The following RGS6 variants were observed in gnomAD, a reference collection of about 807,000 sequenced individuals.
RGS6 encodes the protein regulator of G protein signaling 6.
A neutral mutation model predicts 78.5 loss-of-function variants in RGS6; 30 were observed. The observed-to-expected ratio is 0.38, with a 90% CI of 0.29 to 0.52. The LOEUF is 0.52. RGS6 is among the 20% of genes least tolerant of loss of function. The pLI, the probability that RGS6 is intolerant of heterozygous loss-of-function variation, is 0.85. For missense variants in RGS6, 495 were observed against 609.7 expected (o/e 0.81, Z 1.98); for synonymous variants, 206 against 206.0 (o/e 1.00, Z 0.00).
chr14:72,397,103 G>A (rs1221051698), intron 3 of RGS6, among the ~76,000 whole-genome samples: 1 of 152,206 alleles, frequency 6.6e-6, no homozygotes, highest in Non-Finnish European at 1.5e-5. Context: ...GTAGCTTGAT[G>A]GGGATGGCAT....
intron 2 of RGS6, among the ~76,000 whole-genome samples, chr14:72,138,840 G>A (rs1207124176): frequency 6.6e-6 from 1 of 152,012 alleles, no homozygotes; most frequent in Non-Finnish European, 1.5e-5. Flanking sequence ...CCCCCAGATG[G>A]GACTGTCTAC....
intron 2 of RGS6, among the ~76,000 whole-genome samples, chr14:72,083,752 A>G (rs988948784): frequency 6.6e-6 from 1 of 152,222 alleles, no homozygotes; most frequent in Non-Finnish European, 1.5e-5. Context: ...AATGAATTTG[A>G]GAAGGTATTT....
At chr14:72,101,842 G>T (rs1297945938) in intron 2 of RGS6, among the ~76,000 whole-genome samples, 2 of 152,170 alleles carry the variant, frequency 1.3e-5, no homozygotes, top group South Asian at 2.1e-4. Flanking sequence ...CCTCATAGGG[G>T]AATTACTGCT....
Position 72,184,700 on chromosome 14 carries a change from A to G in RGS6, c.85-167395A>G, listed in dbSNP as rs997040391. ...TTATGGAATAGATGCAAAAAAGTCTAATTTGCCTTTCTGTCACTTGGCAAA... is the reference window on the plus strand; with the variant it reads ...TTATGGAATAGATGCAAAAAAGTCTGATTTGCCTTTCTGTCACTTGGCAAA... On this transcript the variant is annotated intron_variant, in intron 2 of 17. Transcript: ENST00000553525. Among the ~76,000 whole-genome samples, 10 of 152,306 alleles carry G rather than the reference A, an allele frequency of 6.6e-5. No homozygotes were observed. The East Asian group carries it at 1.9e-3, about 29-fold the overall frequency.
chr14:72,428,198 CAG>C (rs1195665729), intron 3 of RGS6, among the ~76,000 whole-genome samples: 1 of 152,128 alleles, frequency 6.6e-6, no homozygotes, highest in Non-Finnish European at 1.5e-5. Flanking sequence ...AGAGATGAGA[CAG>C]AGAAATAACA....
chr14:72,417,362 C>T (rs746719289), intron 3 of RGS6, among the ~76,000 whole-genome samples: 11 of 152,218 alleles, frequency 7.2e-5, no homozygotes, highest in Non-Finnish European at 1.5e-4. Flanking sequence ...CACTCCTTCA[C>T]TGTGCCAGCC....
In RGS6 at chr14:72,564,298, T is replaced by C. The variant is rs1201641085; in HGVS notation, c.*1831T>C. On this transcript the variant is annotated 3_prime_UTR_variant, in exon 18 of 18. Transcript: ENST00000553525. ...GAGATGACAGATGTTGAGTCCTCAGTGTCTCAGAGGCAGCAATTCTTGCTG... is the reference window on the plus strand; with the variant it reads ...GAGATGACAGATGTTGAGTCCTCAGCGTCTCAGAGGCAGCAATTCTTGCTG... 6.6e-6 allele frequency: 1 copy of C among 152,252 alleles called. No individual in the cohort carries two copies. The highest frequency in any genetic ancestry group is 1.5e-5 in the Non-Finnish European group (1 of 68,054). 9.4% of individuals were successfully genotyped at this position (152,252 alleles called of 1,614,324 possible). A position where few individuals can be genotyped will look rare whatever the true frequency, so the allele number is the denominator to read the frequency against.
At chr14:71,940,666 C>G (rs2152955359) in intron 1 of RGS6, among the ~76,000 whole-genome samples, 1 of 149,136 alleles carries the variant, frequency 6.7e-6, no homozygotes, top group African/African-American at 2.4e-5. Flanking sequence ...CACCTGGTCC[C>G]TGCCACCTCT....
intron 2 of RGS6, among the ~76,000 whole-genome samples, chr14:72,134,327 G>A (rs1383324164): frequency 6.6e-6 from 1 of 152,144 alleles, no homozygotes; most frequent in East Asian, 1.9e-4. Flanking sequence ...ATATGTGGTA[G>A]CCAATGCTCC....
intron 2 of RGS6, among the ~76,000 whole-genome samples, chr14:72,052,987 C>CTTTT (rs1567106192): frequency 1.8e-5 from 1 of 54,138 alleles, no homozygotes; most frequent in African/African-American, 8.9e-5. Context: ...CTTTCTTTCT[C>CTTTT]TCTCTCTCTC....
At chr14:72,588,643 T>G in the RGS6 span, among the ~76,000 whole-genome samples, 1 of 152,206 alleles carries the variant, frequency 6.6e-6, no homozygotes, top group African/African-American at 2.4e-5. Context: ...TATCAAAACT[T>G]GCTGGCCTGG....
intron 16 of RGS6, among the ~76,000 whole-genome samples, chr14:72,536,680 C>G (rs994974868): frequency 2.0e-5 from 3 of 152,174 alleles, no homozygotes; most frequent in Non-Finnish European, 4.4e-5. Context: ...CTCTCCCTGA[C>G]CAGCCCAGAG....
At chr14:71,965,148 A>C (rs925386915) in intron 2 of RGS6, among the ~76,000 whole-genome samples, 1 of 152,188 alleles carries the variant, frequency 6.6e-6, no homozygotes, top group Non-Finnish European at 1.5e-5. Flanking sequence ...ATTCTCCTTC[A>C]GTGGAAAGGC....
intron 2 of RGS6, among the ~76,000 whole-genome samples, chr14:72,077,738 T>G (rs189016530): frequency 6.6e-5 from 10 of 152,316 alleles, no homozygotes; most frequent in African/African-American, 2.2e-4. Context: ...ATTTTCAGCC[T>G]CTTTTTCAAT....
At chr14:72,556,919 G>T (rs1391085799) in intron 17 of RGS6, among the ~76,000 whole-genome samples, 2 of 152,096 alleles carry the variant, frequency 1.3e-5, no homozygotes, top group African/African-American at 4.8e-5. Flanking sequence ...CTATTTAAAA[G>T]GGGTCAAATA....
chr14:71,897,430 G>A, the RGS6 span, among the ~76,000 whole-genome samples: 1 of 152,194 alleles, frequency 6.6e-6, no homozygotes, highest in Admixed American at 6.5e-5. Flanking sequence ...GGAGGGCTAG[G>A]AACATGAAGA....
At chr14:71,883,496 G>A in the RGS6 span, among the ~76,000 whole-genome samples, 2 of 152,010 alleles carry the variant, frequency 1.3e-5, no homozygotes, top group East Asian at 3.9e-4. Context: ...AGTGTGGCCC[G>A]GCCTTTGTCA....
chr14:72,121,888 G>A (rs78103643), intron 2 of RGS6, among the ~76,000 whole-genome samples: 1,769 of 152,200 alleles, frequency 0.012, 31 homozygotes, highest in African/African-American at 0.04. Context: ...ACTGGGAGCT[G>A]TTTTGCCAGG....
At chr14:72,284,504 C>T (rs2062147686) in intron 2 of RGS6, among the ~76,000 whole-genome samples, 1 of 152,168 alleles carries the variant, frequency 6.6e-6, no homozygotes, top group South Asian at 2.1e-4. Context: ...CACGTGGGCA[C>T]ACAGAAGTTA....
Sources: gnomAD v4.1 joint callset for allele counts (sites outside exome capture counted in the v4.1 genomes callset) on GRCh38, gnomAD v4.1.1 for gene constraint, MANE v1.5 for transcripts, NCBI Gene and HGNC (gene_info 2026-07-23, HGNC 2026-07-21) for gene names.